DACH1: variants seen among roughly 807,000 people sequenced by gnomAD.
DACH1 encodes dachshund family transcription factor 1.
A neutral mutation model predicts 54.2 loss-of-function variants in DACH1; 12 were observed. The ratio of observed to expected loss-of-function variants is 0.22; its 90% CI spans 0.14 to 0.36. DACH1 has a LOEUF of 0.36. Among genes scored for constraint, DACH1 ranks in the 10% least tolerant of loss-of-function variants. The pLI, the probability that DACH1 is intolerant of heterozygous loss-of-function variation, is 1.00. For synonymous variants in DACH1, 386 were observed against 366.2 expected (o/e 1.05, Z -0.62); for missense variants, 805 against 929.8 (o/e 0.87, Z 1.75).
At chr13:71,453,428 T>A (rs1239850000) in intron 10 of DACH1, among the ~76,000 whole-genome samples, 7 of 152,146 alleles carry the variant, frequency 4.6e-5, no homozygotes. Context: ...AGCCTTTATA[T>A]CTTTTCAGAA....
chr13:71,738,546 A>G (rs1248363095), intron 1 of DACH1, among the ~76,000 whole-genome samples: 1 of 151,360 alleles, frequency 6.6e-6, no homozygotes, highest in East Asian at 2.0e-4. Flanking sequence ...CCTGACCAAT[A>G]TTATGGTGAA....
chr13:71,631,927 C>T (rs1176899035), intron 2 of DACH1, among the ~76,000 whole-genome samples: 3 of 152,018 alleles, frequency 2.0e-5, no homozygotes, highest in South Asian at 4.2e-4. Flanking sequence ...GATAAAACCC[C>T]CTCTCTACAA....
intron 8 of DACH1, 82 bp downstream of exon 8, chr13:71,479,087 T>C (rs1877815525): frequency 1.5e-6 from 2 of 1,309,640 alleles, no homozygotes; most frequent in Non-Finnish European, 2.0e-6. Context: ...AATACTACAA[T>C]TTCAAAATAA....
At chr13:71,521,004 G>A (rs569183380) in intron 6 of DACH1, among the ~76,000 whole-genome samples, 2 of 152,072 alleles carry the variant, frequency 1.3e-5, no homozygotes, top group Non-Finnish European at 2.9e-5. Flanking sequence ...CAGAAAACAT[G>A]TCTGTATTCA....
At chr13:71,633,270 G>A (rs1431385262) in intron 2 of DACH1, among the ~76,000 whole-genome samples, 2 of 151,924 alleles carry the variant, frequency 1.3e-5, no homozygotes, top group Non-Finnish European at 2.9e-5. Context: ...TAATCCCCAA[G>A]AAAAAATATA....
chr13:71,497,056 A>G (rs926291174), intron 6 of DACH1, among the ~76,000 whole-genome samples: 18 of 152,146 alleles, frequency 1.2e-4, no homozygotes, highest in Non-Finnish European at 2.6e-4. Flanking sequence ...GTACAAGCAA[A>G]TTTTAGAGCT....
intron 1 of DACH1, among the ~76,000 whole-genome samples, chr13:71,862,382 A>C (rs2138295058): frequency 6.6e-6 from 1 of 152,182 alleles, no homozygotes; most frequent in South Asian, 2.1e-4. Flanking sequence ...GTAAGCAGTT[A>C]ATTAACTGAC....
At chr13:71,581,934 G>A (rs145179369) in intron 3 of DACH1, among the ~76,000 whole-genome samples, 10 of 152,082 alleles carry the variant, frequency 6.6e-5, no homozygotes, top group African/African-American at 1.2e-4. Context: ...GAGATGTTTC[G>A]GTAATAGTCA....
chr13:71,720,754 A>AACATGAT (rs1435935366), intron 1 of DACH1, among the ~76,000 whole-genome samples: 16 of 152,282 alleles, frequency 1.1e-4, no homozygotes, highest in African/African-American at 3.8e-4. Flanking sequence ...TAAAGGTAAA[A>AACATGAT]ACATGATACA....
Position 71,735,597 on chromosome 13 carries a change from C to CGTGTATATGGGATATAT in DACH1, c.849-53688_849-53687insATATATCCCATATACAC, listed in dbSNP as rs144158801. ...GGGATATACGTGTATATGGGATATA[C>CGTGTATATGGGATATAT]GTATATGGGATATACGTGTATATGG... On this transcript the variant is annotated intron_variant, in intron 1 of 10. Transcript: ENST00000613252. Among the ~76,000 whole-genome samples, 165 of 98,158 alleles carry CGTGTATATGGGATATAT rather than the reference C, an allele frequency of 1.7e-3. 7 individuals carry two copies. Among genetic ancestry groups the CGTGTATATGGGATATAT allele is most frequent in the African/African-American group, 6.2e-3 (154 of 24,772 alleles). 64.4% of individuals were successfully genotyped at this position (98,158 alleles called of 152,430 possible). A position where few individuals can be genotyped will look rare whatever the true frequency, so the allele number is the denominator to read the frequency against.
At chr13:71,465,034 T>C (rs985243) in intron 10 of DACH1, among the ~76,000 whole-genome samples, 139,476 of 152,066 alleles carry the variant, frequency 0.92, 65,192 homozygotes, top group East Asian at 1. Flanking sequence ...TAATATGGTT[T>C]GAACAGTAGA....
At chr13:71,459,489 T>A (rs967739499) in intron 10 of DACH1, among the ~76,000 whole-genome samples, 3 of 151,924 alleles carry the variant, frequency 2.0e-5, no homozygotes, top group African/African-American at 4.8e-5. Flanking sequence ...AAATTCATGA[T>A]TTTGAAACAT....
intron 1 of DACH1, among the ~76,000 whole-genome samples, chr13:71,756,284 C>A (rs1885151886): frequency 6.6e-6 from 1 of 151,798 alleles, no homozygotes; most frequent in Non-Finnish European, 1.5e-5. Flanking sequence ...ACCTCGTGAT[C>A]TGCCCGCCTT....
At chr13:71,823,458 A>G (rs769253186) in intron 1 of DACH1, among the ~76,000 whole-genome samples, 15 of 152,128 alleles carry the variant, frequency 9.9e-5, no homozygotes, top group Non-Finnish European at 2.1e-4. Flanking sequence ...TAACTTATTT[A>G]AACTTTTTCA....
chr13:71,681,770 T>G (rs1204865957), intron 2 of DACH1, 25 bp downstream of exon 2: 1 of 1,542,910 alleles, frequency 6.5e-7, no homozygotes, highest in Non-Finnish European at 8.9e-7. Context: ...TAATATTTTT[T>G]GGCATAAGTG....
At chr13:71,861,930 A>G (rs1410898656) in intron 1 of DACH1, among the ~76,000 whole-genome samples, 2 of 146,684 alleles carry the variant, frequency 1.4e-5, no homozygotes, top group South Asian at 4.3e-4. Flanking sequence ...AAAAAAAAAT[A>G]GAGTCAAGAG....
intron 3 of DACH1, among the ~76,000 whole-genome samples, chr13:71,619,101 T>C (rs895822958): frequency 5.3e-5 from 8 of 150,638 alleles, no homozygotes; most frequent in Non-Finnish European, 1.0e-4. Flanking sequence ...TTCTGTTTTA[T>C]ATATATATGT....
At chr13:71,597,583 G>A (rs1874186067) in intron 3 of DACH1, among the ~76,000 whole-genome samples, 1 of 152,058 alleles carries the variant, frequency 6.6e-6, no homozygotes, top group Non-Finnish European at 1.5e-5. Context: ...GCTCTCATCA[G>A]TGCACCCTGG....
At chr13:71,515,010 GT>G (rs1669018933) in intron 6 of DACH1, among the ~76,000 whole-genome samples, 1 of 151,840 alleles carries the variant, frequency 6.6e-6, no homozygotes, top group East Asian at 1.9e-4. Context: ...AAATGGTTAG[GT>G]TTTTTTATTT....
Sources: gnomAD v4.1 joint callset for allele counts (sites outside exome capture counted in the v4.1 genomes callset) on GRCh38, gnomAD v4.1.1 for gene constraint, MANE v1.5 for transcripts, NCBI Gene and HGNC (gene_info 2026-07-23, HGNC 2026-07-21) for gene names.